The following ARHGEF18 variants were observed in gnomAD, a reference collection of about 807,000 sequenced individuals.
ARHGEF18 encodes Rho/Rac guanine nucleotide exchange factor 18, also known as rho guanine nucleotide exchange factor 18.
In ARHGEF18, 93 loss-of-function variants were observed where a neutral mutation model predicts 155.7. The ratio of observed to expected loss-of-function variants is 0.60; its 90% CI spans 0.50 to 0.71. The LOEUF (loss-of-function observed/expected upper bound fraction) is 0.71, where lower values mean the gene tolerates loss of function less well. Among genes scored for constraint, ARHGEF18 ranks in the 30% least tolerant of loss-of-function variants. ARHGEF18 has a pLI of 0.00. For missense variants in ARHGEF18, 1,593 were observed against 1,816.1 expected (o/e 0.88, Z 2.23); for synonymous variants, 742 against 753.1 (o/e 0.99, Z 0.24).
At chr19:7,397,593 C>G (rs1483545672) in intron 10 of ARHGEF18, among the ~76,000 whole-genome samples, 1 of 152,016 alleles carries the variant, frequency 6.6e-6, no homozygotes, top group Non-Finnish European at 1.5e-5. Flanking sequence ...ATTAGCTGGG[C>G]ATGATGGCGT....
downstream of ARHGEF18, among the ~76,000 whole-genome samples, chr19:7,475,218 T>C (rs1448552280): frequency 6.6e-6 from 1 of 151,892 alleles, no homozygotes; most frequent in Non-Finnish European, 1.5e-5. Context: ...GGCGACAGAG[T>C]GACTCTGTCT....
At chr19:7,453,350 C>T (rs1975614782) in intron 16 of ARHGEF18, 117 bp from the exon 17 acceptor site, 4 of 1,281,478 alleles carry the variant, frequency 3.1e-6, no homozygotes, top group East Asian at 2.4e-5. Context: ...ATCCCACACG[C>T]CCATACATAG....
chr19:7,443,460 C>T (rs1974798157), intron 13 of ARHGEF18, among the ~76,000 whole-genome samples: 1 of 152,166 alleles, frequency 6.6e-6, no homozygotes, highest in African/African-American at 2.4e-5. Flanking sequence ...CTCGGCCTCC[C>T]AGAGTGCTGG....
In ARHGEF18 at chr19:7,463,705, C is replaced by A; in HGVS notation, c.2636-113C>A. On this transcript the variant is annotated intron_variant, in intron 21 of 28. Transcript: ENST00000668164. This position sits in a 1 kb window ranked among gnomAD's most constrained non-coding sequence, Gnocchi z 5.2. ...CGGCACACAGAAGGGGGCAGGCGAT[C>A]ACCACCCCAGTGAGTCCCTCCGTCC... is the stretch of plus-strand genomic sequence containing the variant. 1 of 1,309,542 alleles carries A rather than the reference C, an allele frequency of 7.6e-7. No homozygotes were observed. The highest frequency in any genetic ancestry group is 1.0e-6 in the Non-Finnish European group (1 of 969,136). 81.1% of individuals were successfully genotyped at this position (1,309,542 alleles called of 1,614,324 possible).
chr19:7,416,724 T>C (rs942182462), intron 10 of ARHGEF18, among the ~76,000 whole-genome samples: 1 of 150,262 alleles, frequency 6.7e-6, no homozygotes, highest in Non-Finnish European at 1.5e-5. Context: ...TGCCTCAGCC[T>C]CCCGAGTAGC....
intron 2 of ARHGEF18, among the ~76,000 whole-genome samples, chr19:7,367,753 A>AG (rs1412496535): frequency 2.3e-5 from 1 of 42,562 alleles, no homozygotes; most frequent in African/African-American, 1.2e-4. Context: ...TCTCAAAAAA[A>AG]AAAAAATATA....
chr19:7,415,291 C>T (rs1029838435), intron 10 of ARHGEF18, among the ~76,000 whole-genome samples: 8 of 152,048 alleles, frequency 5.3e-5, no homozygotes, highest in Admixed American at 1.3e-4. Context: ...TTAGAGCGCC[C>T]TCCTGAGCGC....
At chr19:7,475,541 C>G (rs79100285), downstream of ARHGEF18, among the ~76,000 whole-genome samples, 1,618 of 151,806 alleles carry the variant, frequency 0.011, 35 homozygotes, top group East Asian at 0.097. Flanking sequence ...CACACACACA[C>G]ACAACCACAC....
At chr19:7,477,191 T>C (rs367893767), downstream of ARHGEF18, 12 of 1,466,390 alleles carry the variant, frequency 8.2e-6, no homozygotes, top group African/African-American at 1.4e-4. Context: ...CCCTGTGCTC[T>C]TCCGGCAGTG....
At chr19:7,451,722 TTTTTG>T (rs1453619030) in intron 16 of ARHGEF18, among the ~76,000 whole-genome samples, 1 of 148,984 alleles carries the variant, frequency 6.7e-6, no homozygotes, top group East Asian at 2.0e-4. Context: ...GGCCTGGGTT[TTTTTG>T]TTTTGTTTTG....
At chr19:7,372,005 G>A (rs118102216) in intron 2 of ARHGEF18, among the ~76,000 whole-genome samples, 31 of 152,160 alleles carry the variant, frequency 2.0e-4, no homozygotes, top group Non-Finnish European at 4.0e-4. Flanking sequence ...GCCTCCTGCC[G>A]GCAAAGATCC....
chr19:7,475,993 G>A (rs1053960431), downstream of ARHGEF18, among the ~76,000 whole-genome samples: 2 of 152,170 alleles, frequency 1.3e-5, no homozygotes, highest in Admixed American at 1.3e-4. Context: ...GTGTGACCCT[G>A]AGCAGTCCCC....
At chr19:7,454,926 CAGCATCCCCA>C (rs758911494) in intron 17 of ARHGEF18, among the ~76,000 whole-genome samples, 19 of 152,236 alleles carry the variant, frequency 1.2e-4, no homozygotes, top group Non-Finnish European at 1.8e-4. Context: ...GACTGCTGAT[CAGCATCCCCA>C]AGCATCCCAC....
intron 10 of ARHGEF18, among the ~76,000 whole-genome samples, chr19:7,405,616 A>C (rs2145590296): frequency 6.6e-6 from 1 of 152,160 alleles, no homozygotes; most frequent in Non-Finnish European, 1.5e-5. Context: ...GTTTTGTTTT[A>C]GTTTTTGTTT....
At position 7,462,085 on chromosome 19, in the gene ARHGEF18, C is replaced by T. The variant is rs1031451992; in HGVS notation, c.2453-67C>T. ...GGGGTTCCTCATCCTTAGGCCAGTC[C>T]CCGGGGCTCAGATGATTCCAGGGAA... On this transcript the variant is annotated intron_variant, in intron 20 of 28. Transcript: ENST00000668164. This position sits in a 1 kb window ranked among gnomAD's most constrained non-coding sequence, Gnocchi z 4.4. 4 of 1,603,230 alleles carry T rather than the reference C, an allele frequency of 2.5e-6. No homozygotes were observed. Among genetic ancestry groups the T allele is most frequent in the African/African-American group, 2.7e-5 (2 of 74,888 alleles).
At chr19:7,368,022 G>A (rs1322140513) in intron 2 of ARHGEF18, among the ~76,000 whole-genome samples, 2 of 141,444 alleles carry the variant, frequency 1.4e-5, no homozygotes, top group Non-Finnish European at 3.1e-5. Context: ...AGGGAGGGCG[G>A]AAGGAAGGAA....
rs141304501 is a variant in ARHGEF18 at position 7,466,829 on chromosome 19, T to A, written c.2905-89T>A. The A allele has an allele frequency of 1.6e-3, 1,439 of 900,388 alleles. 19 individuals carry two copies. In the African/African-American group the frequency reaches 0.032, roughly 20 times the overall value. 55.8% of individuals were successfully genotyped at this position (900,388 alleles called of 1,614,324 possible). A position where few individuals can be genotyped will look rare whatever the true frequency, so the allele number is the denominator to read the frequency against. ...CAAAAAAAAAAAAAAAAAAAAAAGT[T>A]AAAAAAAAAGAAGAAGAAGAAGAAG... is the stretch of plus-strand genomic sequence containing the variant. On this transcript the variant is annotated intron_variant, in intron 23 of 28. Coordinates refer to ENST00000668164, the MANE Select transcript of ARHGEF18 (RefSeq NM_001367823.1).
intron 10 of ARHGEF18, among the ~76,000 whole-genome samples, chr19:7,410,855 T>C (rs1223265839): frequency 1.4e-5 from 2 of 143,154 alleles, no homozygotes; most frequent in East Asian, 4.1e-4. Context: ...CATTTTGATT[T>C]CTGCCCAGTC....
At chr19:7,424,754 G>T (rs1249417117) in intron 10 of ARHGEF18, among the ~76,000 whole-genome samples, 2 of 152,122 alleles carry the variant, frequency 1.3e-5, no homozygotes, top group Non-Finnish European at 2.9e-5. Context: ...CCAGCACTTT[G>T]GGAGGCCGAG....
Sources: gnomAD v4.1 joint callset for allele counts (sites outside exome capture counted in the v4.1 genomes callset) on GRCh38, gnomAD v4.1.1 for gene constraint, Gnocchi (gnomAD v3.1) non-coding constraint, MANE v1.5 for transcripts, NCBI Gene and HGNC (gene_info 2026-07-23, HGNC 2026-07-21) for gene names.